The following DIP2C variants were observed in gnomAD, a reference collection of about 807,000 sequenced individuals.
DIP2C encodes disco-interacting protein 2 homolog C.
In DIP2C, 33 loss-of-function variants were observed where a neutral mutation model predicts 192.4. The observed-to-expected ratio is 0.17, with a 90% CI of 0.13 to 0.23. The LOEUF is 0.23. Among genes scored for constraint, DIP2C ranks in the 10% least tolerant of loss-of-function variants. The pLI is 1.00. For missense variants in DIP2C, 1,537 were observed against 2,110.1 expected (o/e 0.73, Z 5.32); for synonymous variants, 979 against 864.1 (o/e 1.13, Z -2.33).
At chr10:620,133 G>C (rs753570930) in intron 1 of DIP2C, among the ~76,000 whole-genome samples, 4 of 152,190 alleles carry the variant, frequency 2.6e-5, no homozygotes, top group African/African-American at 4.8e-5. Context: ...CGCCACAGCC[G>C]ATCTGGCTGG....
intron 2 of DIP2C, chr10:484,737 G>A: frequency 6.3e-7 from 1 of 1,594,974 alleles, no homozygotes; most frequent in East Asian, 2.3e-5. Context: ...CTTTTCTAAT[G>A]TGTACCCTGC....
At chr10:580,619 TAC>T (rs772475223) in intron 1 of DIP2C, among the ~76,000 whole-genome samples, 5 of 152,166 alleles carry the variant, frequency 3.3e-5, no homozygotes, top group Non-Finnish European at 5.9e-5. Flanking sequence ...ACAATGGCAA[TAC>T]ATAGTACGCA....
chr10:345,180 T>A, intron 26 of DIP2C, 70 bp from the exon 27 acceptor site: 1 of 1,400,168 alleles, frequency 7.1e-7, no homozygotes, highest in Non-Finnish European at 9.9e-7. Context: ...TTCACACGGG[T>A]CTCCTGCTTA....
chr10:661,877 C>A, intron 1 of DIP2C: 1 of 602,520 alleles, frequency 1.7e-6, no homozygotes, highest in Non-Finnish European at 3.0e-6. Context: ...CTCCTGATTT[C>A]CAGCAAAGCA....
At chr10:369,900 C>A (rs184446547) in intron 17 of DIP2C, 16 of 1,359,002 alleles carry the variant, frequency 1.2e-5, no homozygotes, top group Non-Finnish European at 1.4e-5. Context: ...TCTCCTGCCC[C>A]CTCTATGCAG....
intron 4 of DIP2C, among the ~76,000 whole-genome samples, chr10:424,690 C>T (rs1400476943): frequency 6.6e-6 from 1 of 152,126 alleles, no homozygotes; most frequent in Non-Finnish European, 1.5e-5. Flanking sequence ...AAAACTTACA[C>T]AATTTCTATA....
intron 1 of DIP2C, among the ~76,000 whole-genome samples, chr10:612,636 C>G (rs1853172707): frequency 1.3e-5 from 2 of 152,134 alleles, no homozygotes. Context: ...AGATGGGATC[C>G]CAGGTTCCAA....
rs376071688 is a variant in DIP2C at position 393,503 on chromosome 10, C to T, written c.1261-2640G>A. Among the ~76,000 whole-genome samples, 9 of 152,278 alleles carry T rather than the reference C, an allele frequency of 5.9e-5. No homozygotes were observed. The South Asian group carries it at 8.3e-4, about 14-fold the overall frequency. Reference sequence around the variant, plus strand: ...AAATTAAAACCACAGGGAAGCCAGGCGCGATGGCTCAGGCCTGTAATCCCA... The same window carrying T: ...AAATTAAAACCACAGGGAAGCCAGGTGCGATGGCTCAGGCCTGTAATCCCA... On this transcript the variant is annotated intron_variant, in intron 10 of 36. Transcript: ENST00000280886.
chr10:545,623 C>T (rs556953133), intron 1 of DIP2C, among the ~76,000 whole-genome samples: 40 of 152,322 alleles, frequency 2.6e-4, no homozygotes, highest in African/African-American at 9.6e-4. Flanking sequence ...TTCCAGCCTC[C>T]AGAACAAAGG....
chr10:462,751 T>C (rs1477593135), intron 3 of DIP2C, among the ~76,000 whole-genome samples: 1 of 152,228 alleles, frequency 6.6e-6, no homozygotes, highest in South Asian at 2.1e-4. Flanking sequence ...ATATCCCTGA[T>C]GAACATCAAT....
intron 31 of DIP2C, among the ~76,000 whole-genome samples, chr10:321,091 T>C (rs1589469620): frequency 6.6e-6 from 1 of 152,176 alleles, no homozygotes; most frequent in Non-Finnish European, 1.5e-5. Context: ...GGCTGGATGG[T>C]GGGAGGACCA....
Position 636,640 on chromosome 10 carries a change from T to C in DIP2C, c.85+52854A>G, listed in dbSNP as rs576884805. On this transcript the variant is annotated intron_variant, in intron 1 of 36. Coordinates refer to ENST00000280886, the MANE Select transcript of DIP2C (RefSeq NM_014974.3). This position sits in a 1 kb window ranked among gnomAD's most constrained non-coding sequence, Gnocchi z 4.6. ...AATTCTCCCGAAAACGTCTTTTCTA[T>C]CTGGGCCACACACTGCGCCGAGTGA... Among the ~76,000 whole-genome samples, 1 of 152,348 alleles carries C rather than the reference T, an allele frequency of 6.6e-6. No individual in the cohort carries two copies. The highest frequency in any genetic ancestry group is 1.9e-4 in the East Asian group (1 of 5,188).
At chr10:678,481 G>C (rs1453387481) in intron 1 of DIP2C, among the ~76,000 whole-genome samples, 1 of 138,922 alleles carries the variant, frequency 7.2e-6, no homozygotes, top group East Asian at 2.1e-4. Flanking sequence ...TCCATACCCT[G>C]TGCTCCCAGC....
intron 1 of DIP2C, among the ~76,000 whole-genome samples, chr10:619,354 G>A (rs1234370244): frequency 1.3e-5 from 2 of 152,228 alleles, no homozygotes; most frequent in African/African-American, 4.8e-5. Flanking sequence ...GATGTCAGCA[G>A]GGCTGGCTCC....
chr10:349,168 G>A (rs897226711), intron 25 of DIP2C, among the ~76,000 whole-genome samples, 163 bp downstream of exon 25: 3 of 152,182 alleles, frequency 2.0e-5, no homozygotes, highest in Non-Finnish European at 4.4e-5. Context: ...GTGAGTGGTC[G>A]TAGCCAGACA....
At chr10:441,290 T>C (rs933797131) in intron 3 of DIP2C, 10 of 327,796 alleles carry the variant, frequency 3.1e-5, no homozygotes, top group African/African-American at 2.1e-4. Flanking sequence ...TCTTTGGAGA[T>C]CTCTTTGTAG....
At chr10:398,529 C>A (rs1332813516) in intron 10 of DIP2C, among the ~76,000 whole-genome samples, 11 of 152,174 alleles carry the variant, frequency 7.2e-5, no homozygotes, top group African/African-American at 2.7e-4. Flanking sequence ...GCCGGACCAC[C>A]CTGGGCACAC....
chr10:312,068 G>C (rs1272412260), intron 31 of DIP2C, among the ~76,000 whole-genome samples: 2 of 152,200 alleles, frequency 1.3e-5, no homozygotes, highest in Non-Finnish European at 2.9e-5. Context: ...ATGAGGCAAA[G>C]GGAGAGGCCA....
intron 25 of DIP2C, 143 bp downstream of exon 25, chr10:349,188 T>C (rs2132631193): frequency 8.3e-7 from 1 of 1,211,346 alleles, no homozygotes; most frequent in Non-Finnish European, 1.1e-6. Context: ...ACAAACGGGC[T>C]GGTTAGCATC....
Sources: gnomAD v4.1 joint callset for allele counts (sites outside exome capture counted in the v4.1 genomes callset) on GRCh38, gnomAD v4.1.1 for gene constraint, Gnocchi (gnomAD v3.1) non-coding constraint, MANE v1.5 for transcripts, NCBI Gene and HGNC (gene_info 2026-07-23, HGNC 2026-07-21) for gene names.